Variants in TRPC6 observed in about 807,000 individuals in gnomAD.
TRPC6 encodes transient receptor potential cation channel subfamily C member 6.
Under a neutral mutation model 90.7 loss-of-function variants are expected in TRPC6, and 55 were observed. That is an observed-to-expected ratio of 0.61 (90% CI 0.49 to 0.76). TRPC6 has a LOEUF of 0.76. TRPC6 is among the 30% of genes least tolerant of loss of function. The pLI, the probability that TRPC6 is intolerant of heterozygous loss-of-function variation, is 0.00. For synonymous variants in TRPC6, 393 were observed against 393.0 expected (o/e 1.00, Z 0.00); for missense variants, 989 against 1,122.7 (o/e 0.88, Z 1.70).
rs1859233698 is a variant in TRPC6, at chr11:101,469,460, TTCATGACTTCCTAAAATTCCAAG to T, written c.2428_2450del (p.Leu810ArgfsTer8). The T allele has an allele frequency of 2.6e-6, 2 of 772,358 alleles. No homozygotes were observed. 47.8% of individuals were successfully genotyped at this position (772,358 alleles called of 1,614,324 possible). On this transcript the variant is annotated frameshift_variant, in exon 10 of 13. Coordinates refer to ENST00000344327, the MANE Select transcript of TRPC6 (RefSeq NM_004621.6). LOFTEE classifies it high-confidence loss of function. ...TGTCAAGTGATAATTTTGAAAGGTCTTCATGACTTCCTAAAATTCCAAGTTTCTTTTCTTCATTTATCTTTTAA... is the reference window on the plus strand; with the variant it reads ...TGTCAAGTGATAATTTTGAAAGGTCTTTTCTTTTCTTCATTTATCTTTTAA...
intron 4 of TRPC6, among the ~76,000 whole-genome samples, chr11:101,487,586 T>C (rs978341871): frequency 5.9e-5 from 9 of 152,012 alleles, no homozygotes; most frequent in African/African-American, 2.2e-4. Context: ...TCCATGTCCA[T>C]GTACACACAT....
At chr11:101,461,643 A>C (rs1002096983) in intron 10 of TRPC6, among the ~76,000 whole-genome samples, 14 of 152,254 alleles carry the variant, frequency 9.2e-5, no homozygotes, top group African/African-American at 3.4e-4. Flanking sequence ...ATATTCTTTC[A>C]GTAACATTTT....
chr11:101,497,453 C>T (rs569750359), intron 2 of TRPC6, among the ~76,000 whole-genome samples: 10 of 152,146 alleles, frequency 6.6e-5, no homozygotes, highest in East Asian at 5.8e-4. Flanking sequence ...TGAAACAATG[C>T]CAAGCATTTT....
chr11:101,460,257 G>T (rs1167960746), intron 10 of TRPC6, among the ~76,000 whole-genome samples: 2 of 152,136 alleles, frequency 1.3e-5, no homozygotes, highest in East Asian at 3.8e-4. Flanking sequence ...TTGGTTCCAA[G>T]ACCCTCCTTC....
intron 1 of TRPC6, among the ~76,000 whole-genome samples, chr11:101,511,676 G>A (rs1028032090): frequency 2.6e-5 from 4 of 152,106 alleles, no homozygotes; most frequent in Admixed American, 2.0e-4. Context: ...TGATCCAGAA[G>A]CAGAGATTTT....
intron 1 of TRPC6, among the ~76,000 whole-genome samples, chr11:101,565,238 C>G (rs1861803418): frequency 6.6e-6 from 1 of 151,934 alleles, no homozygotes; most frequent in African/African-American, 2.4e-5. Flanking sequence ...TTCTGCACAG[C>G]AAAGAAAACA....
In TRPC6 at chr11:101,473,541, G is replaced by T. The variant is rs1859341838; in HGVS notation, c.1977C>A (p.Tyr659Ter). 3.7e-6 allele frequency: 6 copies of T among 1,613,380 alleles called. No homozygotes were observed. In the South Asian group the frequency reaches 6.6e-5, roughly 18 times the overall value. ...AGGCTTCATTTTGTTTTGCACCAATGTAGTAGGAGTAGAGATTGAACATTC... is the reference window on the plus strand; with the variant it reads ...AGGCTTCATTTTGTTTTGCACCAATTTAGTAGGAGTAGAGATTGAACATTC... The part of the protein sequence containing the change: ...MIGMFNLYSY[Y>*]IGAKQNEAFT... Residue 659 changes from tyrosine (Y) to a stop codon, truncating the protein, a stop_gained, in exon 7 of 13, where the codon TAC becomes TAA. Transcript: ENST00000344327. LOFTEE classifies it high-confidence loss of function.
At chr11:101,503,806 T>A (rs1860188904) in intron 2 of TRPC6, among the ~76,000 whole-genome samples, 1 of 152,176 alleles carries the variant, frequency 6.6e-6, no homozygotes, top group African/African-American at 2.4e-5. Context: ...AGATTAGATA[T>A]AATAAATGCA....
At position 101,453,835 on chromosome 11, in the gene TRPC6, ATG is replaced by A. The variant is rs60207762; in HGVS notation, c.2569-112_2569-111del. ...CCCTGTAGTGAGCCCTTTGGAAGTG[ATG>A]GCTGTCAAGGACTAAGATGATTCAG... is the stretch of plus-strand genomic sequence containing the variant. On this transcript the variant is annotated intron_variant, in intron 11 of 12. Coordinates refer to ENST00000344327, the MANE Select transcript of TRPC6 (RefSeq NM_004621.6). 501 of 1,002,642 alleles carry A rather than the reference ATG, an allele frequency of 5.0e-4. 4 individuals carry two copies. The African/African-American group carries it at 7.5e-3, about 15-fold the overall frequency. The allele number at this position is 1,002,642 out of a possible 1,614,324, so 62.1% of individuals were successfully genotyped here.
At chr11:101,472,752 A>G (rs897901052) in intron 7 of TRPC6, among the ~76,000 whole-genome samples, 18 of 152,182 alleles carry the variant, frequency 1.2e-4, no homozygotes, top group Admixed American at 1.2e-3. Flanking sequence ...AGACAATGTT[A>G]CCAAAATCAC....
At chr11:101,465,957 C>T (rs1459551767) in intron 10 of TRPC6, among the ~76,000 whole-genome samples, 1 of 152,178 alleles carries the variant, frequency 6.6e-6, no homozygotes, top group Non-Finnish European at 1.5e-5. Flanking sequence ...TACCTTTCGT[C>T]TTTGATGTTG....
intron 1 of TRPC6, among the ~76,000 whole-genome samples, chr11:101,559,335 CA>C (rs1462319480): frequency 6.6e-6 from 1 of 152,112 alleles, no homozygotes; most frequent in African/African-American, 2.4e-5. Flanking sequence ...TAAATCATAA[CA>C]ATACTTTATA....
intron 1 of TRPC6, among the ~76,000 whole-genome samples, chr11:101,544,680 T>C (rs1229241737): frequency 6.7e-6 from 1 of 150,120 alleles, no homozygotes; most frequent in Non-Finnish European, 1.5e-5. Flanking sequence ...AGATGAACAA[T>C]GAGAACACAT....
intron 1 of TRPC6, among the ~76,000 whole-genome samples, chr11:101,529,932 G>A (rs1014544550): frequency 6.6e-6 from 1 of 152,170 alleles, no homozygotes; most frequent in Non-Finnish European, 1.5e-5. Flanking sequence ...AAAAATGAAC[G>A]CATCCCCTGT....
At chr11:101,464,611 C>A (rs183330292) in intron 10 of TRPC6, among the ~76,000 whole-genome samples, 9 of 152,194 alleles carry the variant, frequency 5.9e-5, no homozygotes, top group Non-Finnish European at 1.0e-4. Flanking sequence ...GATTGCAACA[C>A]CTGCTTTTTT....
At chr11:101,464,860 T>C (rs1859105231) in intron 10 of TRPC6, among the ~76,000 whole-genome samples, 1 of 152,294 alleles carries the variant, frequency 6.6e-6, no homozygotes, top group East Asian at 1.9e-4. Context: ...ATTGTGCCTG[T>C]TAGTTGATGT....
chr11:101,474,899 A>G (rs1859377378), intron 6 of TRPC6, among the ~76,000 whole-genome samples: 1 of 152,198 alleles, frequency 6.6e-6, no homozygotes, highest in South Asian at 2.1e-4. Flanking sequence ...ATAACTGGAC[A>G]TAGTTAGCTC....
chr11:101,469,609 G>T, intron 9 of TRPC6, 108 bp from the exon 10 acceptor site: 1 of 635,418 alleles, frequency 1.6e-6, no homozygotes, highest in Non-Finnish European at 2.8e-6. Flanking sequence ...TTTAATGAGA[G>T]AAACATATTC....
intron 1 of TRPC6, among the ~76,000 whole-genome samples, chr11:101,573,552 T>C (rs1281501886): frequency 6.6e-6 from 1 of 152,182 alleles, no homozygotes; most frequent in Non-Finnish European, 1.5e-5. Context: ...TCAAGTTAGC[T>C]AGAGAATAAA....
Sources: gnomAD v4.1 joint callset for allele counts (sites outside exome capture counted in the v4.1 genomes callset) on GRCh38, gnomAD v4.1.1 for gene constraint, MANE v1.5 for transcripts, NCBI Gene and HGNC (gene_info 2026-07-23, HGNC 2026-07-21) for gene names.